The following LOXHD1 variants were observed in gnomAD, a reference collection of about 807,000 sequenced individuals.
The protein encoded by LOXHD1 is lipoxygenase homology domain-containing protein 1.
Under a neutral mutation model 248.2 loss-of-function variants are expected in LOXHD1, and 205 were observed. The observed-to-expected ratio is 0.83, with a 90% CI of 0.74 to 0.93. LOXHD1 has a LOEUF of 0.93. Among genes scored for constraint, LOXHD1 ranks in the 40% least tolerant of loss-of-function variants. The probability of loss-of-function intolerance (pLI) is 0.00; values close to 1 mark genes in which losing one functional copy is unlikely to be tolerated. For missense variants in LOXHD1, 2,930 were observed against 2,971.6 expected (o/e 0.99, Z 0.33); for synonymous variants, 1,113 against 1,162.8 (o/e 0.96, Z 0.87).
rs746023380 is a variant in LOXHD1, at chr18:46,506,004, G to T, written c.5712C>A (p.Asn1904Lys). The T allele has an allele frequency of 1.2e-5, 19 of 1,552,100 alleles. No individual in the cohort carries two copies. The African/African-American group carries it at 2.1e-4, about 17-fold the overall frequency. ...SDILGAGTDANVFIIIFGENG... is the reference protein window; with the variant it reads ...SDILGAGTDAKVFIIIFGENG... ...TCTCCCCGAAGATGATGATGAACAC[G>T]TTGGCATCAGTGCCTGCTCCTGGGG... is the stretch of plus-strand genomic sequence containing the variant. Residue 1904 changes from asparagine to lysine, a missense_variant, in exon 37 of 41, where the codon AAC (asparagine) becomes AAA (lysine). By Grantham distance (94) the Asn-to-Lys change is moderately conservative. Coordinates refer to ENST00000642948, the MANE Select transcript of LOXHD1 (RefSeq NM_001384474.1).
intron 21 of LOXHD1, among the ~76,000 whole-genome samples, chr18:46,554,715 G>A (rs981662867): frequency 1.3e-5 from 2 of 151,802 alleles, no homozygotes; most frequent in African/African-American, 4.8e-5. Context: ...AGGGAGGGGG[G>A]AAAAGAAGAG....
intron 40 of LOXHD1, among the ~76,000 whole-genome samples, chr18:46,478,711 G>C (rs2032262383): frequency 6.6e-6 from 1 of 151,850 alleles, no homozygotes; most frequent in Admixed American, 6.6e-5. Flanking sequence ...ATTTTCTTTA[G>C]AGACAGGGTA....
At chr18:46,650,015 T>C (rs944805435) in intron 1 of LOXHD1, among the ~76,000 whole-genome samples, 1 of 152,074 alleles carries the variant, frequency 6.6e-6, no homozygotes, top group Non-Finnish European at 1.5e-5. Context: ...AGGCATGTGC[T>C]CTATACCCAT....
At chr18:46,525,022 AACAG>A in intron 29 of LOXHD1, 105 bp from the exon 30 acceptor site, 3 of 1,310,374 alleles carry the variant, frequency 2.3e-6, no homozygotes, top group Non-Finnish European at 3.2e-6. Context: ...TGCTGCACTG[AACAG>A]ACCTTCTTTG....
intron 12 of LOXHD1, 55 bp downstream of exon 12, chr18:46,591,878 G>C: frequency 6.5e-7 from 1 of 1,547,108 alleles, no homozygotes. Flanking sequence ...GGCCCATCGG[G>C]ACACCAAGCA....
chr18:46,509,646 G>C lies in LOXHD1; in HGVS notation c.5517+52C>G, dbSNP rs973031453. The stretch of plus-strand genomic sequence containing the variant: ...TCCATTGACAAGCCAGAGGAACCAG[G>C]GGAAGGGGTGGGTGGTGGCTGGAAG... On this transcript the variant is annotated intron_variant, in intron 35 of 40. Coordinates refer to ENST00000642948, the MANE Select transcript of LOXHD1 (RefSeq NM_001384474.1). 3.0e-6 allele frequency: 4 copies of C among 1,328,704 alleles called. No homozygotes were observed. The African/African-American group carries it at 4.4e-5, about 15-fold the overall frequency. 82.3% of individuals were successfully genotyped at this position (1,328,704 alleles called of 1,614,324 possible).
intron 12 of LOXHD1, among the ~76,000 whole-genome samples, chr18:46,587,790 A>C (rs2038089924): frequency 6.6e-6 from 1 of 152,104 alleles, no homozygotes; most frequent in African/African-American, 2.4e-5. Context: ...GATCTCATTT[A>C]TTTTACTGTC....
At chr18:46,523,798 T>C (rs1297192753) in intron 31 of LOXHD1, among the ~76,000 whole-genome samples, 2 of 151,992 alleles carry the variant, frequency 1.3e-5, no homozygotes, top group African/African-American at 4.8e-5. Context: ...TATCACTCAT[T>C]TACAGAGTGA....
rs374699091 is a variant in LOXHD1, at chr18:46,483,730, C to T, written c.6198G>A (p.Thr2066=). 4.5e-5 allele frequency: 70 copies of T among 1,549,688 alleles called. No homozygotes were observed. The highest frequency in any genetic ancestry group is 2.6e-4 in the African/African-American group (19 of 72,954). ...QRAFRKGTTD[T]FEFDSIYLGD... The stretch of plus-strand genomic sequence containing the variant: ...CCAAGTAGATGCTGTCAAACTCAAA[C>T]GTGTCTGTGGTCCCCCTGCAGGAAA... Residue 2066 remains threonine (T), a synonymous_variant, in exon 40 of 41, where the codon ACG becomes ACA. Coordinates refer to ENST00000642948, the MANE Select transcript of LOXHD1 (RefSeq NM_001384474.1).
At chr18:46,550,984 G>T (rs2037074201) in intron 21 of LOXHD1, among the ~76,000 whole-genome samples, 1 of 152,078 alleles carries the variant, frequency 6.6e-6, no homozygotes, top group African/African-American at 2.4e-5. Context: ...ACATCCCCTG[G>T]CATACAAGGC....
chr18:46,607,835 A>G (rs1050291006), intron 6 of LOXHD1, among the ~76,000 whole-genome samples: 1 of 152,094 alleles, frequency 6.6e-6, no homozygotes, highest in African/African-American at 2.4e-5. Flanking sequence ...TGGAAATCCA[A>G]TAGATGGGCA....
At chr18:46,560,598 C>CT (rs2037505009) in intron 18 of LOXHD1, 53 bp from the exon 19 acceptor site, 2 of 1,434,032 alleles carry the variant, frequency 1.4e-6, no homozygotes, top group Admixed American at 2.2e-5. Context: ...CTCCCCAACG[C>CT]CCCCAACACC....
intron 29 of LOXHD1, among the ~76,000 whole-genome samples, chr18:46,526,021 A>G (rs1564130): frequency 6.6e-6 from 1 of 151,944 alleles, no homozygotes; most frequent in African/African-American, 2.4e-5. Context: ...GTAGGGAAAG[A>G]CCATGGCCAA....
chr18:46,587,886 G>A (rs2038092194), intron 12 of LOXHD1, among the ~76,000 whole-genome samples: 1 of 152,142 alleles, frequency 6.6e-6, no homozygotes. Context: ...GTGTTAATCA[G>A]AACAATCACT....
chr18:46,492,476 T>G (rs2033556064), intron 37 of LOXHD1, among the ~76,000 whole-genome samples: 1 of 152,134 alleles, frequency 6.6e-6, no homozygotes, highest in Admixed American at 6.5e-5. Context: ...AACCATCAGA[T>G]CTTGTGAGAA....
chr18:46,503,800 G>C (rs1419038534), intron 37 of LOXHD1, among the ~76,000 whole-genome samples: 2 of 151,944 alleles, frequency 1.3e-5, no homozygotes, highest in South Asian at 2.1e-4. Context: ...CCTGATATTG[G>C]GGGGTGTAGC....
chr18:46,641,878 C>A (rs1599070604), intron 3 of LOXHD1, 78 bp downstream of exon 3: 1 of 1,386,386 alleles, frequency 7.2e-7, no homozygotes, highest in Non-Finnish European at 1.0e-6. Context: ...GTAATTCATA[C>A]CCAGAAATTG....
intron 2 of LOXHD1, among the ~76,000 whole-genome samples, chr18:46,647,215 A>G (rs1212203940): frequency 6.6e-6 from 1 of 152,194 alleles, no homozygotes; most frequent in Non-Finnish European, 1.5e-5. Flanking sequence ...AGGAGGTCCC[A>G]GCCCTGCCAG....
At position 46,524,764 on chromosome 18, in the gene LOXHD1, G is replaced by A. The variant is rs909969012; in HGVS notation, c.4684C>T (p.Arg1562Cys). The A allele has an allele frequency of 2.0e-5, 31 of 1,551,744 alleles. No individual in the cohort carries two copies. Among genetic ancestry groups the A allele is most frequent in the East Asian group, 2.0e-4 (8 of 40,926 alleles). The change falls in exon 30 of 41, where the codon CGC becomes TGC. Residue 1562 changes from arginine (R) to cysteine (C), a missense_variant. Coordinates refer to ENST00000642948, the MANE Select transcript of LOXHD1 (RefSeq NM_001384474.1). ...NEDEFLFLCG[R>C]WLSLKKEDGR... ...TCCTCCTTCTTCAGGGAGAGCCAGCGCCCGCATAGGAACAGGAACTCGTCC... is the reference window on the plus strand; with the variant it reads ...TCCTCCTTCTTCAGGGAGAGCCAGCACCCGCATAGGAACAGGAACTCGTCC...
Sources: gnomAD v4.1 joint callset for allele counts (sites outside exome capture counted in the v4.1 genomes callset) on GRCh38, gnomAD v4.1.1 for gene constraint, MANE v1.5 for transcripts, NCBI Gene and HGNC (gene_info 2026-07-23, HGNC 2026-07-21) for gene names.